CENPI: variants seen among roughly 807,000 people sequenced by gnomAD.
CENPI encodes the protein centromere protein I, also known as FSH primary response 1.
In CENPI, 4 loss-of-function variants were observed where a neutral mutation model predicts 60.4. The observed-to-expected ratio is 0.07, with a 90% CI of 0.03 to 0.15. CENPI has a LOEUF of 0.15. CENPI is among the 10% of genes least tolerant of loss of function. CENPI has a pLI of 1.00. For synonymous variants in CENPI, 157 were observed against 189.4 expected, an observed-to-expected ratio of 0.83 and a Z score of 1.40; for missense variants, 444 against 534.5, an observed-to-expected ratio of 0.83 and a Z score of 1.67.
chrX:101,151,858 C>T lies in CENPI; in HGVS notation c.2094+3697C>T, dbSNP rs868450303. Among the ~76,000 whole-genome samples the T allele has an allele frequency of 1.3e-4, 13 of 97,164 alleles. No homozygotes were observed. In the East Asian group the frequency reaches 2.8e-3, roughly 21 times the overall value. The allele number at this position is 97,164 out of a possible 115,157, so 84.4% of individuals were successfully genotyped here. A position where few individuals can be genotyped will look rare whatever the true frequency, so the allele number is the denominator to read the frequency against. Reference sequence around the variant, plus strand: ...CAAAAAAAGAAAAAAAAAAAAAAAACAAGAACAACAAAAAACAAATATACA... The same window carrying T: ...CAAAAAAAGAAAAAAAAAAAAAAAATAAGAACAACAAAAAACAAATATACA... On this transcript the variant is annotated intron_variant, in intron 20 of 21. Coordinates refer to ENST00000682095, the MANE Select transcript of CENPI (RefSeq NM_001386188.2).
At chrX:101,170,044 A>C (rs1291100650), downstream of CENPI, among the ~76,000 whole-genome samples, 1 of 111,946 alleles carries the variant, frequency 8.9e-6, no homozygotes, top group Non-Finnish European at 1.9e-5. Flanking sequence ...GATTTAGCCT[A>C]AGTGTACAGT....
intron 15 of CENPI, 67 bp downstream of exon 15, chrX:101,132,523 C>G: frequency 1.1e-6 from 1 of 916,626 alleles, no homozygotes; most frequent in Non-Finnish European, 1.6e-6. Context: ...GTACACAATT[C>G]CAAACTGATA....
intron 13 of CENPI, among the ~76,000 whole-genome samples, chrX:101,130,300 G>A (rs1473769048): frequency 1.8e-5 from 2 of 110,896 alleles, no homozygotes; most frequent in Non-Finnish European, 3.8e-5. Flanking sequence ...CAGGCATGGT[G>A]GCATGCATCT....
In CENPI at chrX:101,165,507, G is replaced by T. The variant is rs759887871; in HGVS notation, c.*2540G>T. ...AACTCTGAGATTAAATTCTGTTTTG[G>T]CTATGTTAGGTTGGAAATGCTGTGT... On this transcript the variant is annotated 3_prime_UTR_variant, in exon 22 of 22. Transcript: ENST00000682095. Among the ~76,000 whole-genome samples the T allele has an allele frequency of 1.8e-5, 2 of 112,049 alleles. No individual in the cohort carries two copies. The highest frequency in any genetic ancestry group is 3.8e-5 in the Non-Finnish European group (2 of 53,213).
chrX:101,174,132 A>G, the CENPI span, among the ~76,000 whole-genome samples: 20 of 112,539 alleles, frequency 1.8e-4, no homozygotes, highest in Admixed American at 1.7e-3. Context: ...GGGAATGCTT[A>G]TACACTGTTG....
At chrX:101,116,118 AAAT>A (rs1417921385) in intron 6 of CENPI, among the ~76,000 whole-genome samples, 3 of 111,902 alleles carry the variant, frequency 2.7e-5, no homozygotes, top group Non-Finnish European at 5.6e-5. Context: ...TAACAATAAA[AAAT>A]AATACAAATA....
the CENPI span, among the ~76,000 whole-genome samples, chrX:101,173,011 A>ATTTTT: frequency 0.01 from 694 of 68,609 alleles, 14 homozygotes; most frequent in Non-Finnish European, 0.014. Flanking sequence ...AGTTGTAGGA[A>ATTTTT]TTTTTTTTTT....
intron 13 of CENPI, among the ~76,000 whole-genome samples, chrX:101,130,476 A>G (rs997069208): frequency 1.8e-5 from 2 of 112,010 alleles, no homozygotes; most frequent in African/African-American, 6.5e-5. Context: ...AGTACCTGAC[A>G]TCTTTTGTAA....
At chrX:101,131,438 A>G (rs1031694785) in intron 13 of CENPI, among the ~76,000 whole-genome samples, 1 of 111,537 alleles carries the variant, frequency 9.0e-6, no homozygotes, top group Non-Finnish European at 1.9e-5. Flanking sequence ...CACTGAGAAA[A>G]GAAATATAGG....
intron 20 of CENPI, among the ~76,000 whole-genome samples, chrX:101,153,072 A>G (rs1228631412): frequency 9.3e-6 from 1 of 107,899 alleles, no homozygotes; most frequent in East Asian, 2.9e-4. Context: ...TGAGGGTTCC[A>G]TTTTCTCCAC....
At chrX:101,159,088 G>A (rs1185161055) in intron 20 of CENPI, among the ~76,000 whole-genome samples, 2 of 111,641 alleles carry the variant, frequency 1.8e-5, no homozygotes, top group East Asian at 5.6e-4. Flanking sequence ...TGACAGAAAT[G>A]GACTGCTTTG....
chrX:101,177,645 C>T, the CENPI span, among the ~76,000 whole-genome samples: 1 of 112,158 alleles, frequency 8.9e-6, no homozygotes, highest in African/African-American at 3.2e-5. Flanking sequence ...CAGTTGGTAG[C>T]AGTCATATGC....
chrX:101,175,967 G>A, the CENPI span, among the ~76,000 whole-genome samples: 1 of 110,910 alleles, frequency 9.0e-6, no homozygotes, highest in Admixed American at 9.7e-5. Flanking sequence ...CCAGCCTCTG[G>A]TATCTATCAT....
chrX:101,158,844 G>A (rs776953672), intron 20 of CENPI, among the ~76,000 whole-genome samples: 3 of 109,491 alleles, frequency 2.7e-5, no homozygotes, highest in Admixed American at 1.9e-4. Flanking sequence ...TTGGTCAGGC[G>A]GGTCTTGAAC....
chrX:101,172,249 T>TA, the CENPI span, among the ~76,000 whole-genome samples: 1 of 111,898 alleles, frequency 8.9e-6, no homozygotes, highest in Admixed American at 9.5e-5. Context: ...GTTTGGTAGT[T>TA]ACTCAAAATT....
chrX:101,114,889 C>T (rs2089600994), intron 6 of CENPI, among the ~76,000 whole-genome samples: 1 of 111,117 alleles, frequency 9.0e-6, no homozygotes, highest in Non-Finnish European at 1.9e-5. Context: ...GATTCGCCTG[C>T]CTCGGCCTCC....
At chrX:101,098,916 T>G (rs2089376025) in intron 2 of CENPI, 1 of 111,503 alleles carries the variant, frequency 9.0e-6, no homozygotes, top group African/African-American at 3.3e-5. Flanking sequence ...TCCAAACTCC[T>G]TACTCTGGCC....
intron 4 of CENPI, among the ~76,000 whole-genome samples, chrX:101,109,009 G>A (rs1309694818): frequency 9.3e-6 from 1 of 107,435 alleles, no homozygotes; most frequent in African/African-American, 3.4e-5. Flanking sequence ...TATTAATAAT[G>A]ATAAGAGATA....
At chrX:101,102,564 T>C (rs1336841317) in intron 4 of CENPI, among the ~76,000 whole-genome samples, 153 bp downstream of exon 4, 5 of 109,035 alleles carry the variant, frequency 4.6e-5, no homozygotes, top group Non-Finnish European at 7.6e-5. Context: ...TCTCACTATA[T>C]TGCCCAGGTT....
Sources: gnomAD v4.1 joint callset for allele counts (sites outside exome capture counted in the v4.1 genomes callset) on GRCh38, gnomAD v4.1.1 for gene constraint, MANE v1.5 for transcripts, NCBI Gene and HGNC (gene_info 2026-07-23, HGNC 2026-07-21) for gene names.